ANGPT4: variants seen among roughly 807,000 people sequenced by gnomAD.
ANGPT4 encodes angiopoietin 4.
In ANGPT4, 50 loss-of-function variants were observed where a neutral mutation model predicts 53.0. The observed-to-expected ratio is 0.94, with a 90% CI of 0.75 to 1.20. The LOEUF (loss-of-function observed/expected upper bound fraction) is 1.20, where lower values mean the gene tolerates loss of function less well. Among genes scored for constraint, ANGPT4 ranks in the 50% most tolerant of loss-of-function variants. The probability of loss-of-function intolerance (pLI) is 0.00; values close to 1 mark genes in which losing one functional copy is unlikely to be tolerated. For synonymous variants in ANGPT4, 251 were observed against 259.7 expected (o/e 0.97, Z 0.32); for missense variants, 648 against 637.1 (o/e 1.02, Z -0.18).
At chr20:912,177 A>G (rs1371508975) in intron 1 of ANGPT4, among the ~76,000 whole-genome samples, 1 of 152,120 alleles carries the variant, frequency 6.6e-6, no homozygotes, top group Non-Finnish European at 1.5e-5. Flanking sequence ...AGAGTATGGC[A>G]CTTCTTGGAT....
At chr20:881,108 CTGTT>C in intron 5 of ANGPT4, 59 bp downstream of exon 5, 2 of 1,322,698 alleles carry the variant, frequency 1.5e-6, no homozygotes, top group Non-Finnish European at 2.1e-6. Context: ...TGCGGGGTGT[CTGTT>C]TGGGAAGCCC....
rs1445748941 is a variant in ANGPT4 at position 908,127 on chromosome 20, G to A, written c.309+7779C>T. On this transcript the variant is annotated intron_variant, in intron 1 of 8. Coordinates refer to ENST00000381922, the MANE Select transcript of ANGPT4 (RefSeq NM_015985.4). The surrounding 1 kb of genome is among the most constrained non-coding windows in gnomAD (Gnocchi z 4.9). ...TTAGGGTCAGACAAAGATGGTGGAAGCTGGCTCAGAGGTCCACAGTCTATC... is the reference window on the plus strand; with the variant it reads ...TTAGGGTCAGACAAAGATGGTGGAAACTGGCTCAGAGGTCCACAGTCTATC... Among the ~76,000 whole-genome samples, 2 of 152,180 alleles carry A rather than the reference G, an allele frequency of 1.3e-5. No homozygotes were observed. The highest frequency in any genetic ancestry group is 6.5e-5 in the Admixed American group (1 of 15,280).
At chr20:883,330 A>G (rs945643496) in intron 4 of ANGPT4, among the ~76,000 whole-genome samples, 3 of 152,238 alleles carry the variant, frequency 2.0e-5, no homozygotes, top group African/African-American at 7.2e-5. Context: ...ATCATGCACA[A>G]GTTTGGTCTT....
At position 905,628 on chromosome 20, in the gene ANGPT4, A is replaced by AAGGG. The variant is rs1323217950; in HGVS notation, c.309+10274_309+10277dup. ...GGTTCCCAGGAGGGAGGCCCATGGC[A>AAGGG]AGGGAGGGAGTCAGCTTGGGGTATC... On this transcript the variant is annotated intron_variant, in intron 1 of 8. Coordinates refer to ENST00000381922, the MANE Select transcript of ANGPT4 (RefSeq NM_015985.4). Among the ~76,000 whole-genome samples the AAGGG allele has an allele frequency of 2.6e-5, 4 of 152,204 alleles. No individual in the cohort carries two copies. The East Asian group carries it at 7.7e-4, about 29-fold the overall frequency.
intron 7 of ANGPT4, among the ~76,000 whole-genome samples, chr20:876,473 G>C (rs1981175309): frequency 6.6e-6 from 1 of 152,224 alleles, no homozygotes; most frequent in South Asian, 2.1e-4. Context: ...CCAGTCAAGG[G>C]TGTGAAAGGC....
chr20:896,550 A>T (rs887382583), intron 1 of ANGPT4, among the ~76,000 whole-genome samples: 2 of 152,200 alleles, frequency 1.3e-5, no homozygotes, highest in Non-Finnish European at 2.9e-5. Flanking sequence ...GGTAACAATG[A>T]TATGCCCTGC....
intron 7 of ANGPT4, among the ~76,000 whole-genome samples, chr20:875,495 G>A (rs895573233): frequency 2.6e-5 from 4 of 152,178 alleles, no homozygotes; most frequent in South Asian, 4.1e-4. Context: ...GAGATCTGGG[G>A]GCAGAAAGCC....
chr20:890,965 T>A (rs1307765646), intron 1 of ANGPT4, among the ~76,000 whole-genome samples: 1 of 152,240 alleles, frequency 6.6e-6, no homozygotes, highest in Non-Finnish European at 1.5e-5. Flanking sequence ...ACCACCTGAC[T>A]TTTTAAAATC....
chr20:881,949 C>A (rs1981426066), intron 4 of ANGPT4, among the ~76,000 whole-genome samples: 1 of 152,196 alleles, frequency 6.6e-6, no homozygotes, highest in Admixed American at 6.5e-5. Flanking sequence ...GACCAGGAAA[C>A]TGAGGCCCAA....
Position 878,156 on chromosome 20 carries a change from C to T in ANGPT4, c.1220+5G>A. On this transcript the variant is annotated splice_donor_5th_base_variant and intron_variant, in intron 7 of 8. Transcript: ENST00000381922. ...CCCCCACAACGGCCTGGGCCCCGAA[C>T]CCACCTGTATAGCTGGTTCTCACTG... 4 of 1,583,466 alleles carry T rather than the reference C, an allele frequency of 2.5e-6. No homozygotes were observed. Among genetic ancestry groups the T allele is most frequent in the Middle Eastern group, 1.9e-4 (1 of 5,390 alleles).
Position 916,068 on chromosome 20 carries a change from C to T in ANGPT4, c.147G>A (p.Leu49=). The change falls in exon 1 of 9, where the codon CTG becomes CTA. Residue 49 remains leucine, a synonymous_variant. Coordinates refer to ENST00000381922, the MANE Select transcript of ANGPT4 (RefSeq NM_015985.4). Reference sequence around the variant, plus strand: ...CCGGAGGGCAGGGCTCAGACTTGGGCAGCAAGAAGGTGTAGCTACAGTGGC... The same window carrying T: ...CCGGAGGGCAGGGCTCAGACTTGGGTAGCAAGAAGGTGTAGCTACAGTGGC... ...QHGHCSYTFL[L]PKSEPCPPGP... is the part of the protein sequence containing the mutation. The T allele has an allele frequency of 1.9e-6, 3 of 1,614,212 alleles. No individual in the cohort carries two copies. Among genetic ancestry groups the T allele is most frequent in the Non-Finnish European group, 2.5e-6 (3 of 1,180,018 alleles).
At chr20:909,133 G>A (rs773007855) in intron 1 of ANGPT4, among the ~76,000 whole-genome samples, 22 of 152,190 alleles carry the variant, frequency 1.4e-4, no homozygotes, top group Admixed American at 3.9e-4. Flanking sequence ...CTGGGCCTCC[G>A]TTTCCCCGCA....
intron 7 of ANGPT4, 128 bp from the exon 8 acceptor site, chr20:874,542 G>T: frequency 7.6e-7 from 1 of 1,312,610 alleles, no homozygotes; most frequent in Non-Finnish European, 1.0e-6. Flanking sequence ...TGGAGGGACA[G>T]CCCCAGCCTG....
intron 3 of ANGPT4, 47 bp from the exon 4 acceptor site, chr20:885,372 G>A (rs1981581094): frequency 1.3e-6 from 2 of 1,485,258 alleles, no homozygotes; most frequent in Non-Finnish European, 1.8e-6. Context: ...TCCTCGCGAA[G>A]CACGCACCCC....
chr20:916,318 G>A lies in ANGPT4; in HGVS notation c.-104C>T, dbSNP rs2122152589. 8.0e-7 allele frequency: 1 copy of A among 1,251,598 alleles called. No individual in the cohort carries two copies. Among genetic ancestry groups the A allele is most frequent in the East Asian group, 2.4e-5 (1 of 41,694 alleles). The allele number at this position is 1,251,598 out of a possible 1,614,324, so 77.5% of individuals were successfully genotyped here. ...GTGGCCAGGCTTGCCTGCAGCTGCA[G>A]CTACAAACCTCTGTCTGGCCGAGCT... is the stretch of plus-strand genomic sequence containing the variant. On this transcript the variant is annotated 5_prime_UTR_variant, in exon 1 of 9. Coordinates refer to ENST00000381922, the MANE Select transcript of ANGPT4 (RefSeq NM_015985.4).
rs561226945 is a variant in ANGPT4 at position 887,894 on chromosome 20, G to A, written c.587+424C>T. Among the ~76,000 whole-genome samples, 26 of 151,866 alleles carry A rather than the reference G, an allele frequency of 1.7e-4. No individual in the cohort carries two copies. In the South Asian group the frequency reaches 5.4e-3, roughly 32 times the overall value. On this transcript the variant is annotated intron_variant, in intron 3 of 8. Coordinates refer to ENST00000381922, the MANE Select transcript of ANGPT4 (RefSeq NM_015985.4). ...CGAGATAAATAAAAGAAGGAGGAAG[G>A]AAGGAAGGAAGGAAGGAAAGGGAAA...
At chr20:882,853 G>A (rs6055548) in intron 4 of ANGPT4, among the ~76,000 whole-genome samples, 16 of 152,354 alleles carry the variant, frequency 1.1e-4, no homozygotes, top group African/African-American at 3.6e-4. Flanking sequence ...ACCATGTATT[G>A]TAGTGTTTCC....
chr20:913,853 G>T (rs1982809325), intron 1 of ANGPT4, among the ~76,000 whole-genome samples: 1 of 152,228 alleles, frequency 6.6e-6, no homozygotes, highest in African/African-American at 2.4e-5. Flanking sequence ...CACAGCCTGT[G>T]GCTGGGTGGT....
chr20:890,508 C>G, intron 1 of ANGPT4, 140 bp from the exon 2 acceptor site: 1 of 726,700 alleles, frequency 1.4e-6, no homozygotes, highest in Non-Finnish European at 2.2e-6. Context: ...GTCAGGCCAC[C>G]ATTACGTCTT....
Sources: allele counts gnomAD v4.1 joint callset (sites outside exome capture counted in the v4.1 genomes callset), GRCh38; gene constraint gnomAD v4.1.1; non-coding constraint Gnocchi (gnomAD v3.1); transcripts MANE v1.5; gene names NCBI Gene and HGNC (gene_info 2026-07-23, HGNC 2026-07-21).